Variants in SLC8A3 observed in about 807,000 individuals in gnomAD.
SLC8A3 encodes sodium/calcium exchanger 3.
A neutral mutation model predicts 65.4 loss-of-function variants in SLC8A3; 37 were observed. That is an observed-to-expected ratio of 0.57 (90% confidence interval 0.44 to 0.74). The LOEUF is 0.74. Ranked by LOEUF, SLC8A3 falls within the 30% of genes least tolerant of loss-of-function variation. The pLI, the probability that SLC8A3 is intolerant of heterozygous loss-of-function variation, is 0.00. For synonymous variants in SLC8A3, 461 were observed against 444.5 expected (o/e 1.04, Z -0.47); for missense variants, 1,112 against 1,172.1 (o/e 0.95, Z 0.75).
intron 2 of SLC8A3, among the ~76,000 whole-genome samples, chr14:70,078,661 C>A (rs755308396): frequency 2.0e-5 from 3 of 152,212 alleles, no homozygotes; most frequent in Non-Finnish European, 2.9e-5. Context: ...CACCAAGACA[C>A]AAGCACCCTC....
rs1897300462 is a variant in SLC8A3, at chr14:70,168,237, G to A, written c.186C>T (p.Ile62=). Residue 62 remains isoleucine (I), a synonymous_variant, in exon 2 of 7, where the codon ATC becomes ATT. Transcript: ENST00000356921. ...CAAGGGAAGGGTTCTCCGGGTACCA[G>A]ATTGGCAGGATGACACCCTCCTTGC... ...SDCKEGVILP[I]WYPENPSLGD... The A allele has an allele frequency of 1.2e-6, 2 of 1,614,186 alleles. No individual in the cohort carries two copies. Among genetic ancestry groups the A allele is most frequent in the East Asian group, 4.5e-5 (2 of 44,880 alleles).
intron 2 of SLC8A3, among the ~76,000 whole-genome samples, chr14:70,111,663 G>A (rs998738840): frequency 6.6e-6 from 1 of 152,312 alleles, no homozygotes; most frequent in South Asian, 2.1e-4. Context: ...TGTGATGTCA[G>A]TTTCCACATT....
chr14:70,175,849 C>G (rs1209472684), intron 1 of SLC8A3, among the ~76,000 whole-genome samples: 1 of 151,918 alleles, frequency 6.6e-6, no homozygotes, highest in Admixed American at 6.6e-5. Flanking sequence ...ATTCTCCTGC[C>G]TCAGCCTCCC....
intron 4 of SLC8A3, 54 bp from the exon 5 acceptor site, chr14:70,051,161 G>A: frequency 8.3e-7 from 1 of 1,197,882 alleles, no homozygotes; most frequent in Non-Finnish European, 1.2e-6. Flanking sequence ...CAGAACCAAT[G>A]AGGAGTCTGG....
intron 2 of SLC8A3, among the ~76,000 whole-genome samples, chr14:70,063,589 C>T (rs1889062604): frequency 1.3e-5 from 2 of 152,120 alleles, no homozygotes; most frequent in African/African-American, 4.8e-5. Flanking sequence ...GAGCATCCCT[C>T]GTATGGATGC....
chr14:70,125,918 C>T (rs1894415807), intron 2 of SLC8A3, among the ~76,000 whole-genome samples: 1 of 152,198 alleles, frequency 6.6e-6, no homozygotes, highest in African/African-American at 2.4e-5. Context: ...TCACAGAAGT[C>T]CTGGCTTTAC....
chr14:70,141,092 T>C (rs1188250155), intron 2 of SLC8A3, among the ~76,000 whole-genome samples: 3 of 152,224 alleles, frequency 2.0e-5, no homozygotes, highest in African/African-American at 7.2e-5. Flanking sequence ...CAATAACTGA[T>C]TTATCGAGTA....
chr14:70,071,369 A>C (rs1889997428), intron 2 of SLC8A3, among the ~76,000 whole-genome samples: 1 of 152,208 alleles, frequency 6.6e-6, no homozygotes, highest in Non-Finnish European at 1.5e-5. Context: ...GAACGCTTAA[A>C]AGCAAAGAAC....
intron 2 of SLC8A3, among the ~76,000 whole-genome samples, chr14:70,135,700 G>T (rs1052893838): frequency 2.0e-5 from 3 of 151,712 alleles, no homozygotes; most frequent in African/African-American, 7.3e-5. Context: ...AAAAAAAGTT[G>T]ATTTCATGGT....
intron 1 of SLC8A3, among the ~76,000 whole-genome samples, chr14:70,184,303 A>T (rs556625781): frequency 2.4e-4 from 36 of 152,144 alleles, no homozygotes; most frequent in Non-Finnish European, 4.6e-4. Context: ...CTTTCAAATC[A>T]GTAGTCAACA....
chr14:70,087,765 C>G (rs1891534089), intron 2 of SLC8A3, among the ~76,000 whole-genome samples: 1 of 152,176 alleles, frequency 6.6e-6, no homozygotes, highest in Non-Finnish European at 1.5e-5. Context: ...GCTCCATGCA[C>G]CATCCGTCAT....
intron 2 of SLC8A3, among the ~76,000 whole-genome samples, chr14:70,164,241 G>A (rs1233476377): frequency 6.6e-6 from 1 of 152,108 alleles, no homozygotes; most frequent in East Asian, 1.9e-4. Flanking sequence ...ATCAGTAGTG[G>A]AGCCAGAATC....
chr14:70,098,186 C>T (rs1892313437), intron 2 of SLC8A3, among the ~76,000 whole-genome samples: 1 of 152,206 alleles, frequency 6.6e-6, no homozygotes, highest in Non-Finnish European at 1.5e-5. Flanking sequence ...CATGGGCTTC[C>T]AGTGGGAAGA....
At chr14:70,103,699 A>G (rs192754622) in intron 2 of SLC8A3, among the ~76,000 whole-genome samples, 17 of 152,182 alleles carry the variant, frequency 1.1e-4, no homozygotes, top group Admixed American at 2.6e-4. Flanking sequence ...ATACAAAAAA[A>G]AAATAACTGA....
chr14:70,142,071 C>T (rs1025804853), intron 2 of SLC8A3, among the ~76,000 whole-genome samples: 3 of 152,224 alleles, frequency 2.0e-5, no homozygotes, highest in Admixed American at 6.5e-5. Context: ...CACCTAATGG[C>T]CAGTGCAGCC....
At position 70,167,873 on chromosome 14, in the gene SLC8A3, T is replaced by G. The variant is rs202243269; in HGVS notation, c.550A>C (p.Ile184Leu). 2.5e-6 allele frequency: 4 copies of G among 1,614,034 alleles called. No homozygotes were observed. Among genetic ancestry groups the G allele is most frequent in the South Asian group, 1.1e-5 (1 of 91,082 alleles). ...CCGTCTGGGATCACGTAGACACAGA[T>G]GCCAATGATGATGAACATGTTGAAG... ...AAFNMFIIIG[I>L]CVYVIPDGET... Residue 184 changes from isoleucine to leucine, a missense_variant, in exon 2 of 7, where the codon ATC becomes CTC. By Grantham distance (5) the Ile-to-Leu change is conservative. Transcript: ENST00000356921.
chr14:70,187,864 T>C (rs1354071329), intron 1 of SLC8A3, among the ~76,000 whole-genome samples: 1 of 152,014 alleles, frequency 6.6e-6, no homozygotes, highest in Admixed American at 6.5e-5. Context: ...CGTGCGTGCG[T>C]ATGTGCACGC....
chr14:70,138,403 A>C (rs139582901), intron 2 of SLC8A3, among the ~76,000 whole-genome samples: 128 of 152,344 alleles, frequency 8.4e-4, no homozygotes, highest in Middle Eastern at 3.4e-3. Context: ...AGAATAAATT[A>C]TTATGCATGC....
At chr14:70,069,913 T>C (rs528617574) in intron 2 of SLC8A3, among the ~76,000 whole-genome samples, 2 of 152,336 alleles carry the variant, frequency 1.3e-5, no homozygotes, top group South Asian at 4.1e-4. Context: ...AGAGCCTGCC[T>C]TTTTAACAAG....
Sources: gnomAD v4.1 joint callset for allele counts (sites outside exome capture counted in the v4.1 genomes callset) on GRCh38, gnomAD v4.1.1 for gene constraint, MANE v1.5 for transcripts, NCBI Gene and HGNC (gene_info 2026-07-23, HGNC 2026-07-21) for gene names.